Variants in LRP2 observed in about 807,000 individuals in gnomAD.
The protein encoded by LRP2 is LDL receptor related protein 2.
In LRP2, 172 loss-of-function variants were observed where a neutral mutation model predicts 531.0. The observed-to-expected ratio is 0.32, with a 90% CI of 0.29 to 0.37. The LOEUF is 0.37. Among genes scored for constraint, LRP2 ranks in the 10% least tolerant of loss-of-function variants. The pLI is 1.00. For missense variants in LRP2, 5,167 were observed against 5,868.3 expected (o/e 0.88, Z 3.90); for synonymous variants, 1,992 against 2,027.6 (o/e 0.98, Z 0.47).
chr2:169,311,946 A>G (rs1256909913), intron 3 of LRP2, among the ~76,000 whole-genome samples: 3 of 152,070 alleles, frequency 2.0e-5, no homozygotes, highest in Non-Finnish European at 4.4e-5. Context: ...TCCCTTTACC[A>G]TTACGTAATG....
In LRP2 at chr2:169,313,262, G is replaced by A. The variant is rs574227894; in HGVS notation, c.310+5500C>T. ...TGTTCTGTTGCTGGTGAGGAGCTGCGTTCCTTTGAAGGAGAAGAGGTGCTC... is the reference window on the plus strand; with the variant it reads ...TGTTCTGTTGCTGGTGAGGAGCTGCATTCCTTTGAAGGAGAAGAGGTGCTC... On this transcript the variant is annotated intron_variant, in intron 3 of 78. Transcript: ENST00000649046. 2.0e-3 allele frequency among the ~76,000 whole-genome samples: 309 copies of A among 152,272 alleles called. 1 individual carries two copies. The highest frequency in any genetic ancestry group is 7.1e-3 in the African/African-American group (294 of 41,556).
At chr2:169,282,851 C>T (rs1193177944) in intron 10 of LRP2, 22 bp downstream of exon 10, 2 of 1,611,404 alleles carry the variant, frequency 1.2e-6, no homozygotes, top group Non-Finnish European at 1.7e-6. Flanking sequence ...TTCAGAGACA[C>T]AGGTGTCCAT....
chr2:169,213,539 T>C (rs1160897178), intron 36 of LRP2, 118 bp downstream of exon 36: 2 of 883,064 alleles, frequency 2.3e-6, no homozygotes, highest in Non-Finnish European at 3.8e-6. Flanking sequence ...TCAGGTAACT[T>C]CAATTTGTAT....
rs1012563242 is a variant in LRP2 at position 169,204,014 on chromosome 2, A to T, written c.7973T>A (p.Phe2658Tyr). The T allele has an allele frequency of 2.5e-6, 4 of 1,614,160 alleles. No homozygotes were observed. Among genetic ancestry groups the T allele is most frequent in the Non-Finnish European group, 3.4e-6 (4 of 1,180,018 alleles). Reference sequence around the variant, plus strand: ...ACAGATATGGCTGCAGCCCCCATTAAACTGTTCACAAGGATTGTTACACTG... The same window carrying T: ...ACAGATATGGCTGCAGCCCCCATTATACTGTTCACAAGGATTGTTACACTG... ...KQQCNNPCEQFNGGCSHICAP... is the reference protein window; with the variant it reads ...KQQCNNPCEQYNGGCSHICAP... Residue 2658 changes from phenylalanine (F) to tyrosine (Y), a missense_variant, in exon 42 of 79, where the codon TTT becomes TAT. This residue lies in a region of LRP2 where 1,129 missense variants were observed against 1,362.7 expected (regional missense o/e 0.83). Coordinates refer to ENST00000649046, the MANE Select transcript of LRP2 (RefSeq NM_004525.3).
chr2:169,344,687 A>G (rs945076325), intron 1 of LRP2, among the ~76,000 whole-genome samples: 2 of 152,188 alleles, frequency 1.3e-5, no homozygotes, highest in Non-Finnish European at 2.9e-5. Context: ...TAGAAAACAT[A>G]AATAAAACAA....
chr2:169,290,741 G>A (rs1427477631), intron 8 of LRP2, 104 bp downstream of exon 8: 2 of 1,224,428 alleles, frequency 1.6e-6, no homozygotes, highest in African/African-American at 1.5e-5. Context: ...GTCTTGGGGT[G>A]CTTTGTTATG....
chr2:169,346,765 C>T (rs1685705903), intron 1 of LRP2, among the ~76,000 whole-genome samples: 1 of 152,168 alleles, frequency 6.6e-6, no homozygotes, highest in Non-Finnish European at 1.5e-5. Context: ...TATTAAAATC[C>T]AAGGGTCTCT....
At position 169,311,933 on chromosome 2, in the gene LRP2, G is replaced by T. The variant is rs528283359; in HGVS notation, c.311-4536C>A. Among the ~76,000 whole-genome samples the T allele has an allele frequency of 7.2e-5, 11 of 152,188 alleles. No individual in the cohort carries two copies. In the South Asian group the frequency reaches 2.1e-3, roughly 29 times the overall value. ...GGATAGTTAGCTCTTCTTGTTGACT[G>T]GATCCCTTTACCATTACGTAATGGC... On this transcript the variant is annotated intron_variant, in intron 3 of 78. Coordinates refer to ENST00000649046, the MANE Select transcript of LRP2 (RefSeq NM_004525.3).
At chr2:169,178,213 A>G (rs574950069) in intron 52 of LRP2, among the ~76,000 whole-genome samples, 187 bp from the exon 53 acceptor site, 50 of 152,372 alleles carry the variant, frequency 3.3e-4, no homozygotes, top group African/African-American at 1.1e-3. Context: ...CAAATTGAAC[A>G]AAAGATGTAG....
intron 16 of LRP2, among the ~76,000 whole-genome samples, chr2:169,264,287 G>C (rs1236889938): frequency 6.6e-6 from 1 of 151,624 alleles, no homozygotes; most frequent in Non-Finnish European, 1.5e-5. Context: ...AAAAAGGTAG[G>C]TTGCTCAGCA....
At chr2:169,254,781 C>T (rs1176493273) in intron 19 of LRP2, among the ~76,000 whole-genome samples, 4 of 151,764 alleles carry the variant, frequency 2.6e-5, no homozygotes, top group East Asian at 1.9e-4. Context: ...TACATTTTCT[C>T]GAATCCCAAA....
At position 169,127,604 on chromosome 2, in the gene LRP2, T is replaced by A. The variant is rs1308105610; in HGVS notation, c.*1059A>T. 1 of 149,410 alleles carries A rather than the reference T, an allele frequency of 6.7e-6. No individual in the cohort carries two copies. The highest frequency in any genetic ancestry group is 2.5e-5 in the African/African-American group (1 of 40,108). 9.3% of individuals were successfully genotyped at this position (149,410 alleles called of 1,614,324 possible). On this transcript the variant is annotated 3_prime_UTR_variant, in exon 79 of 79. Transcript: ENST00000649046. ...CTGGACTGTACAGTACATTCTAATA[T>A]AAATGTACACATTTAGCCACAGGGC...
Position 169,165,969 on chromosome 2 carries a change from A to T in LRP2, c.11721T>A (p.Asp3907Glu), listed in dbSNP as rs771060664. The T allele has an allele frequency of 6.2e-7, 1 of 1,614,058 alleles. No individual in the cohort carries two copies. Among genetic ancestry groups the T allele is most frequent in the Non-Finnish European group, 8.5e-7 (1 of 1,179,950 alleles). The change falls in exon 62 of 79, where the codon GAT becomes GAA. Residue 3907 changes from aspartate (D) to glutamate (E), a missense_variant. Around this residue, in one of 6 missense-constraint regions of LRP2, gnomAD observed 564 missense variants for 747.7 expected, o/e 0.75. Coordinates refer to ENST00000649046, the MANE Select transcript of LRP2 (RefSeq NM_004525.3). Reference sequence around the variant, plus strand: ...TCTCATCAGTTCCATCTCCACAGTCATCCACACCATTGCACACCTCATGAC... The same window carrying T: ...TCTCATCAGTTCCATCTCCACAGTCTTCCACACCATTGCACACCTCATGAC... ...IYSHEVCNGV[D>E]DCGDGTDETE... is the part of the protein sequence containing the mutation.
chr2:169,173,935 C>T lies in LRP2; in HGVS notation c.10998G>A (p.Glu3666=). The change falls in exon 56 of 79, where the codon GAG becomes GAA. Residue 3666 remains glutamate, a synonymous_variant. Transcript: ENST00000649046. The part of the protein sequence containing the change: ...VDNDCGDHSD[E]PIEECMSSAH... ...GGAACTTACTGCATTCTTCAATGGG[C>T]TCATCCGAGTGGTCTCCACAATCAT... 4 of 1,614,170 alleles carry T rather than the reference C, an allele frequency of 2.5e-6. No homozygotes were observed. The highest frequency in any genetic ancestry group is 2.2e-5 in the South Asian group (2 of 91,072).
chr2:169,341,377 A>T (rs908659288), intron 1 of LRP2, among the ~76,000 whole-genome samples: 1 of 152,244 alleles, frequency 6.6e-6, no homozygotes, highest in South Asian at 2.1e-4. Context: ...CTCTAAAGAC[A>T]CTAAGTGCCT....
chr2:169,153,717 T>A (rs1307105846), intron 66 of LRP2, among the ~76,000 whole-genome samples: 1 of 152,096 alleles, frequency 6.6e-6, no homozygotes, highest in East Asian at 1.9e-4. Flanking sequence ...ACAAAGCTAG[T>A]AGATAAGGGA....
chr2:169,183,792 AG>A (rs1231438605), intron 50 of LRP2, among the ~76,000 whole-genome samples: 2 of 152,232 alleles, frequency 1.3e-5, no homozygotes, highest in Non-Finnish European at 2.9e-5. Flanking sequence ...ATCAAATGCA[AG>A]GGCTTTGGAA....
At chr2:169,295,206 C>G (rs1450483831) in intron 4 of LRP2, among the ~76,000 whole-genome samples, 4 of 152,184 alleles carry the variant, frequency 2.6e-5, no homozygotes, top group African/African-American at 7.2e-5. Context: ...TTCAGGAGCC[C>G]TGGCGGCCCA....
chr2:169,133,958 C>T (rs1426386388), intron 76 of LRP2, among the ~76,000 whole-genome samples: 2 of 152,170 alleles, frequency 1.3e-5, no homozygotes, highest in African/African-American at 2.4e-5. Context: ...ATTTCATCCT[C>T]ATCTGTTACC....
Sources: allele counts gnomAD v4.1 joint callset (sites outside exome capture counted in the v4.1 genomes callset), GRCh38; gene constraint gnomAD v4.1.1; regional missense constraint gnomAD v4.1.1; transcripts MANE v1.5; gene names NCBI Gene and HGNC (gene_info 2026-07-23, HGNC 2026-07-21).